Variants in ARHGEF19 observed in about 807,000 individuals in gnomAD.
ARHGEF19 encodes the protein Rho guanine nucleotide exchange factor 19.
In ARHGEF19, 92 loss-of-function variants were observed where a neutral mutation model predicts 87.6. The observed-to-expected ratio is 1.05, with a 90% CI of 0.89 to 1.25. The LOEUF is 1.25. Among genes scored for constraint, ARHGEF19 ranks in the 50% most tolerant of loss-of-function variants. ARHGEF19 has a pLI of 0.00. For synonymous variants in ARHGEF19, 438 were observed against 446.2 expected (o/e 0.98, Z 0.23); for missense variants, 1,054 against 1,051.8 (o/e 1.00, Z -0.03).
chr1:16,208,148 G>A lies in ARHGEF19; in HGVS notation c.490C>T (p.Gln164Ter), dbSNP rs2081163265. The change falls in exon 3 of 16, where the codon CAG (glutamine) becomes TAG (stop). Residue 164 changes from glutamine to a stop codon, truncating the protein, a stop_gained. Transcript: ENST00000270747. LOFTEE classifies it high-confidence loss of function. Reference protein sequence around the residue: ...EAHAVFLEPGQVVQEQALSTE... With the variant: ...EAHAVFLEPG Reference sequence around the variant, plus strand: ...CTCAGGGCCTGCTCTTGCACTACCTGGCCAGGCTCTAGGAAGACAGCGTGG... The same window carrying A: ...CTCAGGGCCTGCTCTTGCACTACCTAGCCAGGCTCTAGGAAGACAGCGTGG... 1.2e-6 allele frequency: 2 copies of A among 1,613,396 alleles called. No homozygotes were observed. Among genetic ancestry groups the A allele is most frequent in the Non-Finnish European group, 1.7e-6 (2 of 1,179,516 alleles).
In ARHGEF19 at chr1:16,206,003, G is replaced by A. The variant is rs41269185; in HGVS notation, c.1379C>T (p.Pro460Leu). 169,365 of 1,607,428 alleles carry A rather than the reference G, an allele frequency of 0.11. 10,126 individuals carry two copies. Among genetic ancestry groups the A allele is most frequent in the Non-Finnish European group, 0.12 (145,937 of 1,176,816 alleles). The change falls in exon 8 of 16, where the codon CCG becomes CTG. Residue 460 changes from proline to leucine, a missense_variant. Pro to Leu is a moderately conservative substitution (Grantham distance 98). Transcript: ENST00000270747. This position sits in a 1 kb window ranked among gnomAD's most constrained non-coding sequence, Gnocchi z 4.6. ...GGGCAGGTAGACTCTGCGGAAGGCC[G>A]GGCAGTGGTCCAGCACCACGTCGCA... ...SVCDVVLDHC[P>L]AFRRVYLPYV...
chr1:16,205,318 G>A lies in ARHGEF19; in HGVS notation c.1656+33C>T, dbSNP rs760759302. On this transcript the variant is annotated intron_variant, in intron 10 of 15. Coordinates refer to ENST00000270747, the MANE Select transcript of ARHGEF19 (RefSeq NM_153213.5). The surrounding 1 kb of genome is among the most constrained non-coding windows in gnomAD (Gnocchi z 5.8). ...TGCTGGGGGTCCAGGGGGGGCCTCA[G>A]GAGCCAAGCAGCCCCTGCCCTGCCC... The A allele has an allele frequency of 3.1e-6, 5 of 1,613,510 alleles. No individual in the cohort carries two copies. In the South Asian group the frequency reaches 5.5e-5, roughly 18 times the overall value.
At position 16,206,808 on chromosome 1, in the gene ARHGEF19, A is replaced by G. The variant is rs998567450; in HGVS notation, c.1137+140T>C. On this transcript the variant is annotated intron_variant, in intron 6 of 15. Transcript: ENST00000270747. The surrounding 1 kb of genome is among the most constrained non-coding windows in gnomAD (Gnocchi z 4.6). ...ACGGCCTCGTGTAGTCAGGTCCTAG[A>G]GCCAACCTTCCGCGCGGACAGTCGC... The G allele has an allele frequency of 5.3e-6, 6 of 1,141,358 alleles. No homozygotes were observed. The African/African-American group carries it at 9.9e-5, about 19-fold the overall frequency. The allele number at this position is 1,141,358 out of a possible 1,614,324, so 70.7% of individuals were successfully genotyped here.
chr1:16,207,883 G>GGCCCCCC lies in ARHGEF19; in HGVS notation c.694+60_694+61insGGGGGGC. On this transcript the variant is annotated intron_variant, in intron 3 of 15. Coordinates refer to ENST00000270747, the MANE Select transcript of ARHGEF19 (RefSeq NM_153213.5). This position sits in a 1 kb window ranked among gnomAD's most constrained non-coding sequence, Gnocchi z 4.0. ...CTCAGGCGGCCGGTGAGTGGGCATC[G>GGCCCCCC]CCCACCCCCACCCCCACCCGGCATC... 2 of 1,476,424 alleles carry GGCCCCCC rather than the reference G, an allele frequency of 1.4e-6. No individual in the cohort carries two copies. Among genetic ancestry groups the GGCCCCCC allele is most frequent in the Non-Finnish European group, 1.9e-6 (2 of 1,069,254 alleles). 91.5% of individuals were successfully genotyped at this position (1,476,424 alleles called of 1,614,324 possible). A position where few individuals can be genotyped will look rare whatever the true frequency, so the allele number is the denominator to read the frequency against.
At position 16,198,892 on chromosome 1, in the gene ARHGEF19, CCT is replaced by C; in HGVS notation, c.2252-150_2252-149del. On this transcript the variant is annotated intron_variant, in intron 15 of 15. Coordinates refer to ENST00000270747, the MANE Select transcript of ARHGEF19 (RefSeq NM_153213.5). The surrounding 1 kb of genome is among the most constrained non-coding windows in gnomAD (Gnocchi z 4.1). ...AGCATCTCTCAGCTCCAGGAAGGACCCTGTCTTGAGCTGTCTTGCAGATGAAC... is the reference window on the plus strand; with the variant it reads ...AGCATCTCTCAGCTCCAGGAAGGACCGTCTTGAGCTGTCTTGCAGATGAAC... 9.0e-7 allele frequency: 1 copy of C among 1,117,116 alleles called. No homozygotes were observed. The highest frequency in any genetic ancestry group is 1.6e-5 in the South Asian group (1 of 61,814). 69.2% of individuals were successfully genotyped at this position (1,117,116 alleles called of 1,614,324 possible).
Position 16,199,137 on chromosome 1 carries a change from G to C in ARHGEF19, c.2251+13C>G. The C allele has an allele frequency of 6.2e-7, 1 of 1,613,526 alleles. No homozygotes were observed. Among genetic ancestry groups the C allele is most frequent in the South Asian group, 1.1e-5 (1 of 91,052 alleles). On this transcript the variant is annotated intron_variant, in intron 15 of 15. Coordinates refer to ENST00000270747, the MANE Select transcript of ARHGEF19 (RefSeq NM_153213.5). ...AGCCCCATCAGGGACACTTTCCCAG[G>C]AGGCCCCCTCACCGTCACTGGTCCA... is the stretch of plus-strand genomic sequence containing the variant.
chr1:16,207,938 T>C lies in ARHGEF19; in HGVS notation c.694+6A>G, dbSNP rs1167259499. 3.4e-6 allele frequency: 5 copies of C among 1,478,120 alleles called. No homozygotes were observed. Among genetic ancestry groups the C allele is most frequent in the Non-Finnish European group, 4.5e-6 (5 of 1,101,572 alleles). The allele number at this position is 1,478,120 out of a possible 1,614,324, so 91.6% of individuals were successfully genotyped here. A position where few individuals can be genotyped will look rare whatever the true frequency, so the allele number is the denominator to read the frequency against. Reference sequence around the variant, plus strand: ...TGCCCTCAGGGCCCATGGGAGGAGCTGGTACCTTCCCGGGCTGCTCCGGTG... The same window carrying C: ...TGCCCTCAGGGCCCATGGGAGGAGCCGGTACCTTCCCGGGCTGCTCCGGTG... On this transcript the variant is annotated splice_donor_region_variant and intron_variant, in intron 3 of 15. Coordinates refer to ENST00000270747, the MANE Select transcript of ARHGEF19 (RefSeq NM_153213.5). This position sits in a 1 kb window ranked among gnomAD's most constrained non-coding sequence, Gnocchi z 4.0.
In ARHGEF19 at chr1:16,205,120, G is replaced by T; in HGVS notation, c.1713C>A (p.Ile571=). 1 of 1,606,398 alleles carries T rather than the reference G, an allele frequency of 6.2e-7. No homozygotes were observed. Among genetic ancestry groups the T allele is most frequent in the African/African-American group, 1.3e-5 (1 of 74,928 alleles). ...CAAAGTGGATCTTCTTGCTCAGGTG[G>T]ATGAGTTCCTCTGTCCTCTTCATGG... ...VQSMKRTEEL[I]HLSKKIHFEG... is the part of the protein sequence containing the mutation. The change falls in exon 11 of 16, where the codon ATC becomes ATA. Residue 571 remains isoleucine (I), a synonymous_variant. Coordinates refer to ENST00000270747, the MANE Select transcript of ARHGEF19 (RefSeq NM_153213.5). This position sits in a 1 kb window ranked among gnomAD's most constrained non-coding sequence, Gnocchi z 5.8.
intron 12 of ARHGEF19, among the ~76,000 whole-genome samples, chr1:16,204,034 T>C (rs926301241): frequency 2.0e-5 from 3 of 152,170 alleles, no homozygotes; most frequent in Non-Finnish European, 4.4e-5. Flanking sequence ...AACATGTCCA[T>C]CCTTTTTTGT....
intron 14 of ARHGEF19, among the ~76,000 whole-genome samples, chr1:16,199,884 C>G (rs989961663): frequency 6.6e-6 from 1 of 152,068 alleles, no homozygotes; most frequent in Non-Finnish European, 1.5e-5. Flanking sequence ...CCTCCCTACT[C>G]GCTCACAAAG....
At chr1:16,204,942 G>A (rs1404658768) in intron 11 of ARHGEF19, 23 bp from the exon 12 acceptor site, 1 of 1,590,786 alleles carries the variant, frequency 6.3e-7, no homozygotes, top group Non-Finnish European at 8.6e-7. Context: ...AGAAGGATGG[G>A]TCAGGCCCAG....
rs983760403 is a variant in ARHGEF19 at position 16,206,483 on chromosome 1, C to A, written c.1138-143G>T. ...CACTCCTAATCTGGCGCCGGGCGGG[C>A]CCGGCGACCCACGTCCCGCCGCGGG... On this transcript the variant is annotated intron_variant, in intron 6 of 15. Coordinates refer to ENST00000270747, the MANE Select transcript of ARHGEF19 (RefSeq NM_153213.5). This position sits in a 1 kb window ranked among gnomAD's most constrained non-coding sequence, Gnocchi z 4.6. 5.7e-6 allele frequency: 5 copies of A among 884,210 alleles called. No homozygotes were observed. Among genetic ancestry groups the A allele is most frequent in the Admixed American group, 2.8e-5 (1 of 36,358 alleles). The allele number at this position is 884,210 out of a possible 1,614,324, so 54.8% of individuals were successfully genotyped here.
chr1:16,208,320 A>G (rs2081165511), intron 2 of ARHGEF19, 95 bp from the exon 3 acceptor site: 22 of 1,429,352 alleles, frequency 1.5e-5, no homozygotes, highest in Non-Finnish European at 2.0e-5. Context: ...GGGGAGGTTC[A>G]GGCACCATGC....
intron 14 of ARHGEF19, among the ~76,000 whole-genome samples, chr1:16,200,276 T>G (rs1186298121): frequency 6.6e-6 from 1 of 152,230 alleles, no homozygotes; most frequent in African/African-American, 2.4e-5. Flanking sequence ...GCCTGAGTTT[T>G]CTCAGATATG....
chr1:16,207,412 C>T lies in ARHGEF19; in HGVS notation c.874+110G>A, dbSNP rs1439716976. 3.5e-6 allele frequency: 5 copies of T among 1,430,432 alleles called. No individual in the cohort carries two copies. Among genetic ancestry groups the T allele is most frequent in the Admixed American group, 4.1e-5 (2 of 48,810 alleles). The allele number at this position is 1,430,432 out of a possible 1,614,324, so 88.6% of individuals were successfully genotyped here. Reference sequence around the variant, plus strand: ...GCTAGATACCGACAGTTCCATTCTCCGTTTCTCACTCGATCCCTACCTCTC... The same window carrying T: ...GCTAGATACCGACAGTTCCATTCTCTGTTTCTCACTCGATCCCTACCTCTC... On this transcript the variant is annotated intron_variant, in intron 5 of 15. Transcript: ENST00000270747. The surrounding 1 kb of genome is among the most constrained non-coding windows in gnomAD (Gnocchi z 4.0).
At chr1:16,199,700 T>C (rs1391787662) in intron 14 of ARHGEF19, among the ~76,000 whole-genome samples, 3 of 152,110 alleles carry the variant, frequency 2.0e-5, no homozygotes, top group African/African-American at 4.8e-5. Flanking sequence ...ATCGCTCCCG[T>C]TTAAAGCCCT....
chr1:16,203,870 T>C (rs1032167008), intron 12 of ARHGEF19, among the ~76,000 whole-genome samples: 1 of 152,220 alleles, frequency 6.6e-6, no homozygotes, highest in African/African-American at 2.4e-5. Context: ...GATATGGTTG[T>C]CAGAATGTAT....
chr1:16,202,329 C>T (rs3841841), intron 13 of ARHGEF19, 87 bp downstream of exon 13: 43 of 819,584 alleles, frequency 5.2e-5, no homozygotes, highest in Middle Eastern at 5.3e-4. Context: ...GGGGTGCCCG[C>T]CATGGGGACG....
Position 16,208,739 on chromosome 1 carries a change from G to C in ARHGEF19, c.316C>G (p.Pro106Ala), listed in dbSNP as rs927455637. 4 of 1,611,652 alleles carry C rather than the reference G, an allele frequency of 2.5e-6. No individual in the cohort carries two copies. Among genetic ancestry groups the C allele is most frequent in the African/African-American group, 1.3e-5 (1 of 75,000 alleles). The change falls in exon 2 of 16, where the codon CCT becomes GCT. Residue 106 changes from proline (P) to alanine (A), a missense_variant. Physicochemically the swap from Pro to Ala is conservative, Grantham distance 27 (BLOSUM62 -1). Transcript: ENST00000270747. ...PSRAGSWPHC[P>A]GAQPPALEGP... Reference sequence around the variant, plus strand: ...TCCAGAGCTGGGGGCTGGGCACCAGGACAGTGTGGCCAGCTGCCAGCCCTG... The same window carrying C: ...TCCAGAGCTGGGGGCTGGGCACCAGCACAGTGTGGCCAGCTGCCAGCCCTG...
Sources: gnomAD v4.1 joint callset for allele counts (sites outside exome capture counted in the v4.1 genomes callset) on GRCh38, gnomAD v4.1.1 for gene constraint, Gnocchi (gnomAD v3.1) non-coding constraint, MANE v1.5 for transcripts, NCBI Gene and HGNC (gene_info 2026-07-23, HGNC 2026-07-21) for gene names.